Variants in MAD1L1 observed in about 807,000 individuals in gnomAD.
MAD1L1 encodes the protein mitotic spindle assembly checkpoint protein MAD1.
MAD1L1 carries 95 observed loss-of-function variants against 96.9 expected under a neutral mutation model. The observed-to-expected ratio is 0.98, with a 90% CI of 0.83 to 1.16. The LOEUF (loss-of-function observed/expected upper bound fraction) is 1.16. Among genes scored for constraint, MAD1L1 ranks in the 50% most tolerant of loss-of-function variants. MAD1L1 has a pLI of 0.00. For missense variants in MAD1L1, 1,007 were observed against 954.4 expected (o/e 1.06, Z -0.73); for synonymous variants, 473 against 396.6 (o/e 1.19, Z -2.29).
At chr7:2,049,107 T>C (rs188719996) in intron 12 of MAD1L1, among the ~76,000 whole-genome samples, 11 of 152,324 alleles carry the variant, frequency 7.2e-5, no homozygotes, top group Non-Finnish European at 1.3e-4. Flanking sequence ...CATTCCCTCA[T>C]GTAATCTGTG....
Position 1,908,601 on chromosome 7 carries a change from G to A in MAD1L1, c.1808-10211C>T, listed in dbSNP as rs114664961. On this transcript the variant is annotated intron_variant, in intron 17 of 18. Transcript: ENST00000265854. ...GTTGCCCAGGCTGTTGTTGACCTGCGGGCCTCATGTGTGCCTCCCACAGTG... is the reference window on the plus strand; with the variant it reads ...GTTGCCCAGGCTGTTGTTGACCTGCAGGCCTCATGTGTGCCTCCCACAGTG... 8.0e-3 allele frequency among the ~76,000 whole-genome samples: 1,212 copies of A among 152,160 alleles called. 15 individuals are homozygous for A. Among genetic ancestry groups the A allele is most frequent in the African/African-American group, 0.028 (1,172 of 41,514 alleles).
chr7:2,149,004 C>G, intron 11 of MAD1L1, 148 bp downstream of exon 11: 1 of 686,756 alleles, frequency 1.5e-6, no homozygotes, highest in Non-Finnish European at 2.6e-6. Context: ...TCCCTCAAAT[C>G]CCTGCTCCCC....
intron 10 of MAD1L1, among the ~76,000 whole-genome samples, chr7:2,168,302 C>T (rs574664301): frequency 6.6e-6 from 1 of 152,038 alleles, no homozygotes; most frequent in South Asian, 2.1e-4. Flanking sequence ...AAAAAAAGAA[C>T]AGTGAATTGA....
chr7:1,982,332 C>G (rs1780942690), intron 14 of MAD1L1, among the ~76,000 whole-genome samples: 1 of 152,140 alleles, frequency 6.6e-6, no homozygotes, highest in African/African-American at 2.4e-5. Context: ...CCTCAGCCTC[C>G]CAAGTTGCTG....
chr7:1,858,620 C>G (rs1784374089), intron 18 of MAD1L1, among the ~76,000 whole-genome samples: 1 of 152,224 alleles, frequency 6.6e-6, no homozygotes, highest in South Asian at 2.1e-4. Context: ...CCTGGCGGGG[C>G]TGCTAGGGTC....
At chr7:2,099,785 G>GAGC (rs1786684394) in intron 11 of MAD1L1, among the ~76,000 whole-genome samples, 1 of 152,242 alleles carries the variant, frequency 6.6e-6, no homozygotes, top group Non-Finnish European at 1.5e-5. Context: ...CTGCAGGGAG[G>GAGC]AGCCCCTGGT....
intron 18 of MAD1L1, among the ~76,000 whole-genome samples, chr7:1,834,817 A>G (rs1782867336): frequency 6.6e-6 from 1 of 152,024 alleles, no homozygotes; most frequent in Admixed American, 6.6e-5. Context: ...TGTGAGACCA[A>G]CATTACTATG....
At chr7:2,008,780 A>G (rs972094470) in intron 13 of MAD1L1, among the ~76,000 whole-genome samples, 1 of 113,740 alleles carries the variant, frequency 8.8e-6, no homozygotes, top group African/African-American at 2.7e-5. Context: ...CAGGGGGGGA[A>G]GGAACACGGC....
At chr7:2,018,981 T>C (rs769131975) in intron 12 of MAD1L1, among the ~76,000 whole-genome samples, 1 of 152,190 alleles carries the variant, frequency 6.6e-6, no homozygotes, top group Non-Finnish European at 1.5e-5. Flanking sequence ...CTCCTTTTTT[T>C]AGAAAAGGAA....
intron 11 of MAD1L1, among the ~76,000 whole-genome samples, chr7:2,094,599 C>G (rs1184618889): frequency 2.0e-5 from 3 of 152,086 alleles, no homozygotes; most frequent in Non-Finnish European, 4.4e-5. Context: ...CTGCTGCTAT[C>G]CAGACAGGGT....
intron 18 of MAD1L1, among the ~76,000 whole-genome samples, chr7:1,871,707 T>C (rs1340777044): frequency 2.1e-5 from 3 of 142,682 alleles, no homozygotes; most frequent in Non-Finnish European, 4.6e-5. Context: ...CCTGCCACGC[T>C]GAAGCCAACA....
chr7:1,961,825 T>G (rs1457191267), intron 15 of MAD1L1, among the ~76,000 whole-genome samples: 202 of 75,868 alleles, frequency 2.7e-3, no homozygotes, highest in East Asian at 4.4e-3. Context: ...CATGGTGGGA[T>G]ATAATGAATC....
intron 14 of MAD1L1, among the ~76,000 whole-genome samples, chr7:1,993,869 C>G (rs1781448580): frequency 6.6e-6 from 1 of 152,210 alleles, no homozygotes; most frequent in Non-Finnish European, 1.5e-5. Context: ...GCTTTAAACT[C>G]CCCAGCTGAA....
At chr7:2,007,161 C>A (rs1190913237) in intron 13 of MAD1L1, among the ~76,000 whole-genome samples, 3 of 152,158 alleles carry the variant, frequency 2.0e-5, no homozygotes, top group Non-Finnish European at 4.4e-5. Flanking sequence ...AGAGAAGAGG[C>A]GCCGAGGTGG....
chr7:2,172,478 G>A (rs1040790859), intron 10 of MAD1L1, among the ~76,000 whole-genome samples: 27 of 152,330 alleles, frequency 1.8e-4, no homozygotes, highest in Admixed American at 1.0e-3. Flanking sequence ...GAACATCCAC[G>A]CCTCCTCAGG....
In MAD1L1 at chr7:2,017,815, G is replaced by A. The variant is rs148087350; in HGVS notation, c.1219-3173C>T. On this transcript the variant is annotated intron_variant, in intron 12 of 18. Transcript: ENST00000265854. ...ACAGATTCCCAAAGAGGCTGAGAAC[G>A]CCATAGCAGGGGGCAGGACACCTGG... 6.6e-4 allele frequency among the ~76,000 whole-genome samples: 101 copies of A among 152,302 alleles called. 1 individual carries two copies. The highest frequency in any genetic ancestry group is 2.1e-3 in the African/African-American group (89 of 41,558).
At chr7:2,010,866 C>T (rs1381662886) in intron 13 of MAD1L1, among the ~76,000 whole-genome samples, 2 of 151,772 alleles carry the variant, frequency 1.3e-5, no homozygotes, top group Non-Finnish European at 2.9e-5. Flanking sequence ...GGAAGGCTTG[C>T]GAGGCCCGAG....
intron 11 of MAD1L1, among the ~76,000 whole-genome samples, chr7:2,074,272 C>G (rs1016662805): frequency 6.6e-6 from 1 of 152,154 alleles, no homozygotes; most frequent in African/African-American, 2.4e-5. Context: ...GAGAATCTCA[C>G]GGCGGGTGCA....
chr7:1,857,144 C>T (rs1375370379), intron 18 of MAD1L1, among the ~76,000 whole-genome samples: 1 of 152,222 alleles, frequency 6.6e-6, no homozygotes, highest in Non-Finnish European at 1.5e-5. Flanking sequence ...TCCTCACCAA[C>T]AGCAGCCAGA....
Sources: gnomAD v4.1 joint callset for allele counts (sites outside exome capture counted in the v4.1 genomes callset) on GRCh38, gnomAD v4.1.1 for gene constraint, MANE v1.5 for transcripts, NCBI Gene and HGNC (gene_info 2026-07-23, HGNC 2026-07-21) for gene names.